Variants in CSMD3 observed in about 807,000 individuals in gnomAD.
CSMD3 encodes the protein CUB and Sushi multiple domains 3, also known as CUB and sushi domain-containing protein 3.
Under a neutral mutation model 435.2 loss-of-function variants are expected in CSMD3, and 177 were observed. That is an observed-to-expected ratio of 0.41 (90% CI 0.36 to 0.46). The LOEUF is 0.46. CSMD3 is among the 20% of genes least tolerant of loss of function. CSMD3 has a pLI of 0.34. For missense variants in CSMD3, 4,265 were observed against 4,504.6 expected (o/e 0.95, Z 1.52); for synonymous variants, 1,656 against 1,520.5 (o/e 1.09, Z -2.07).
At chr8:113,105,097 T>C (rs923956043) in intron 4 of CSMD3, among the ~76,000 whole-genome samples, 1 of 151,782 alleles carries the variant, frequency 6.6e-6, no homozygotes, top group African/African-American at 2.4e-5. Context: ...TATTTAAAGA[T>C]TTGGAGAAAA....
intron 4 of CSMD3, among the ~76,000 whole-genome samples, chr8:113,166,130 A>AT (rs1225252252): frequency 1.3e-5 from 2 of 152,132 alleles, no homozygotes; most frequent in Non-Finnish European, 1.5e-5. Context: ...AACTCAATAG[A>AT]TTGAGTTTCA....
At chr8:112,954,095 G>A (rs1259214392) in intron 8 of CSMD3, among the ~76,000 whole-genome samples, 1 of 151,392 alleles carries the variant, frequency 6.6e-6, no homozygotes, top group Non-Finnish European at 1.5e-5. Context: ...GAGATTTTGG[G>A]ATGAACTTCA....
intron 19 of CSMD3, 111 bp from the exon 20 acceptor site, chr8:112,645,336 A>T: frequency 1.4e-6 from 1 of 737,666 alleles, no homozygotes; most frequent in Non-Finnish European, 2.5e-6. Context: ...TGCTTATGCT[A>T]CCTCCTAGTA....
intron 32 of CSMD3, among the ~76,000 whole-genome samples, chr8:112,449,170 C>T (rs191658327): frequency 6.6e-6 from 1 of 152,130 alleles, no homozygotes; most frequent in East Asian, 1.9e-4. Context: ...ATCAATATTC[C>T]CCATTCACTA....
At chr8:113,184,123 C>T (rs190413796) in intron 3 of CSMD3, among the ~76,000 whole-genome samples, 48 of 151,970 alleles carry the variant, frequency 3.2e-4, no homozygotes, top group African/African-American at 1.1e-3. Context: ...CTTACGTTTA[C>T]CAGTTTATTA....
chr8:112,987,939 G>T (rs558055107), intron 6 of CSMD3, among the ~76,000 whole-genome samples: 86 of 152,128 alleles, frequency 5.7e-4, no homozygotes, highest in Admixed American at 1.7e-3. Flanking sequence ...TGATGGGGAG[G>T]TGTTAGAGTT....
chr8:113,275,667 A>C (rs2093564094), intron 3 of CSMD3, among the ~76,000 whole-genome samples: 1 of 151,954 alleles, frequency 6.6e-6, no homozygotes, highest in African/African-American at 2.4e-5. Flanking sequence ...AAGAAATGAG[A>C]TTTACACATT....
At chr8:112,437,340 AAGTAAG>A (rs950010260) in intron 32 of CSMD3, among the ~76,000 whole-genome samples, 15 of 152,278 alleles carry the variant, frequency 9.9e-5, no homozygotes, top group African/African-American at 2.2e-4. Flanking sequence ...ATGTCATAAA[AAGTAAG>A]AGTAAAACAG....
chr8:113,382,538 AT>A (rs1372690716), intron 1 of CSMD3, among the ~76,000 whole-genome samples: 3 of 152,192 alleles, frequency 2.0e-5, no homozygotes, highest in Non-Finnish European at 4.4e-5. Context: ...TAACTTAGTA[AT>A]TTTCTTCTGA....
intron 1 of CSMD3, among the ~76,000 whole-genome samples, chr8:113,344,373 T>G (rs1312865734): frequency 6.6e-6 from 1 of 152,180 alleles, no homozygotes; most frequent in East Asian, 1.9e-4. Context: ...GATAAAATTA[T>G]GTTTTCAGTA....
rs367803330 is a variant in CSMD3, at chr8:113,222,137, C to A, written c.515-48221G>T. 4.0e-5 allele frequency among the ~76,000 whole-genome samples: 6 copies of A among 151,272 alleles called. 1 individual carries two copies. The highest frequency in any genetic ancestry group is 3.3e-4 in the Admixed American group (5 of 15,102). ...TTCCTAAAGATTTTTAAACAGTTTTCTAATTTACAAAGGCTTTGGAAATTA... is the reference window on the plus strand; with the variant it reads ...TTCCTAAAGATTTTTAAACAGTTTTATAATTTACAAAGGCTTTGGAAATTA... On this transcript the variant is annotated intron_variant, in intron 3 of 70. Coordinates refer to ENST00000297405, the MANE Select transcript of CSMD3 (RefSeq NM_198123.2).
At chr8:112,389,324 G>A (rs938803455) in intron 36 of CSMD3, among the ~76,000 whole-genome samples, 4 of 152,172 alleles carry the variant, frequency 2.6e-5, no homozygotes, top group Admixed American at 2.0e-4. Context: ...AAAGTTCTAT[G>A]AAGATTCTAA....
intron 38 of CSMD3, among the ~76,000 whole-genome samples, chr8:112,360,915 A>C (rs72674741): frequency 0.2 from 31,023 of 151,866 alleles, 3,713 homozygotes; most frequent in East Asian, 0.4. Context: ...TGAAACAAAA[A>C]TACATGAAAG....
At chr8:112,274,979 A>G (rs1414021557) in intron 59 of CSMD3, among the ~76,000 whole-genome samples, 2 of 149,198 alleles carry the variant, frequency 1.3e-5, no homozygotes, top group African/African-American at 2.6e-5. Context: ...TTTGACTACA[A>G]GAGCATTTGC....
At chr8:112,534,381 G>A (rs1334444900) in intron 27 of CSMD3, among the ~76,000 whole-genome samples, 1 of 152,104 alleles carries the variant, frequency 6.6e-6, no homozygotes, top group Non-Finnish European at 1.5e-5. Flanking sequence ...TACCATCAGA[G>A]AATACTACAA....
At chr8:112,289,709 G>A (rs145881961) in intron 56 of CSMD3, among the ~76,000 whole-genome samples, 171 bp from the exon 57 acceptor site, 1 of 152,094 alleles carries the variant, frequency 6.6e-6, no homozygotes, top group African/African-American at 2.4e-5. Context: ...AGTGGAGTTT[G>A]CAGCTATAGC....
chr8:112,301,801 C>G lies in CSMD3; in HGVS notation c.8432G>C (p.Arg2811Thr), dbSNP rs754830554. The G allele has an allele frequency of 1.2e-6, 2 of 1,613,568 alleles. No individual in the cohort carries two copies. The highest frequency in any genetic ancestry group is 1.7e-6 in the Non-Finnish European group (2 of 1,179,654). Residue 2811 changes from arginine to threonine, a missense_variant, in exon 53 of 71, where the codon AGA becomes ACA. Transcript: ENST00000297405. Reference protein sequence around the residue: ...SSGLWSESETRCLAGHCGIPE... With the variant: ...SSGLWSESETTCLAGHCGIPE... ...AAATTAAAAATCTGTACCTAGGCATCTGGTTTCAGATTCACTCCAAAGACC... is the reference window on the plus strand; with the variant it reads ...AAATTAAAAATCTGTACCTAGGCATGTGGTTTCAGATTCACTCCAAAGACC...
At chr8:113,173,598 A>C in intron 4 of CSMD3, 124 bp downstream of exon 4, 1 of 792,106 alleles carries the variant, frequency 1.3e-6, no homozygotes, top group Non-Finnish European at 2.2e-6. Flanking sequence ...CTGGGATTAC[A>C]GGCGTGAGTC....
intron 1 of CSMD3, among the ~76,000 whole-genome samples, chr8:113,393,572 C>T (rs957486088): frequency 6.6e-6 from 1 of 151,956 alleles, no homozygotes; most frequent in African/African-American, 2.4e-5. Context: ...ACAAACGGTG[C>T]TACTAACAAA....
Sources: allele counts gnomAD v4.1 joint callset (sites outside exome capture counted in the v4.1 genomes callset), GRCh38; gene constraint gnomAD v4.1.1; transcripts MANE v1.5; gene names NCBI Gene and HGNC (gene_info 2026-07-23, HGNC 2026-07-21).